The following IPPK variants were observed in gnomAD, a reference collection of about 807,000 sequenced individuals.
IPPK encodes the protein IPK1 homolog.
IPPK carries 22 observed loss-of-function variants against 64.6 expected under a neutral mutation model. The observed-to-expected ratio is 0.34, with a 90% CI of 0.24 to 0.49. The LOEUF is 0.49. Ranked by LOEUF, IPPK falls within the 20% of genes least tolerant of loss-of-function variation. The pLI is 0.99. For missense variants in IPPK, 532 were observed against 630.7 expected (o/e 0.84, Z 1.68); for synonymous variants, 262 against 247.2 (o/e 1.06, Z -0.56).
intron 1 of IPPK, among the ~76,000 whole-genome samples, chr9:92,664,287 T>C (rs556690351): frequency 2.0e-5 from 3 of 152,300 alleles, no homozygotes; most frequent in East Asian, 3.9e-4. Flanking sequence ...TGGCCTCAGA[T>C]AGAAATACAA....
At chr9:92,652,436 G>A (rs753331265) in intron 4 of IPPK, 137 bp downstream of exon 4, 71 of 429,040 alleles carry the variant, frequency 1.7e-4, no homozygotes, top group Non-Finnish European at 2.3e-4. Context: ...GCGACAGAGT[G>A]AGACTCCGTC....
In IPPK at chr9:92,621,321, A is replaced by AAGAT. The variant is rs569595399; in HGVS notation, c.1171-1760_1171-1757dup. Among the ~76,000 whole-genome samples, 490 of 152,154 alleles carry AAGAT rather than the reference A, an allele frequency of 3.2e-3. 3 individuals are homozygous for AAGAT. Among genetic ancestry groups the AAGAT allele is most frequent in the Non-Finnish European group, 5.1e-3 (349 of 68,000 alleles). On this transcript the variant is annotated intron_variant, in intron 11 of 12. Coordinates refer to ENST00000287996, the MANE Select transcript of IPPK (RefSeq NM_022755.6). ...ATACTTCAAATCCTATAAACATGAA[A>AAGAT]AGATAATAAAAGAACATTACCCAAC... is the stretch of plus-strand genomic sequence containing the variant.
At chr9:92,641,159 C>T (rs1043670525) in intron 7 of IPPK, among the ~76,000 whole-genome samples, 1 of 152,246 alleles carries the variant, frequency 6.6e-6, no homozygotes, top group Non-Finnish European at 1.5e-5. Context: ...CCTCCTGCCG[C>T]AACTTCCAAA....
chr9:92,634,539 G>T, intron 10 of IPPK, 51 bp from the exon 11 acceptor site: 1 of 1,352,772 alleles, frequency 7.4e-7, no homozygotes, highest in South Asian at 1.2e-5. Flanking sequence ...CACGGAGGTT[G>T]TTTCTTAAAC....
At chr9:92,664,126 A>G (rs912209085) in intron 1 of IPPK, among the ~76,000 whole-genome samples, 3 of 152,188 alleles carry the variant, frequency 2.0e-5, no homozygotes, top group African/African-American at 7.2e-5. Context: ...GTCAGTCACC[A>G]GGGGCAGGAG....
intron 11 of IPPK, among the ~76,000 whole-genome samples, chr9:92,628,375 A>C (rs986624072): frequency 6.6e-6 from 1 of 152,250 alleles, no homozygotes; most frequent in Non-Finnish European, 1.5e-5. Context: ...ACAATCTTGA[A>C]AACAAAGACC....
In IPPK at chr9:92,635,235, C is replaced by T. The variant is rs1209960173; in HGVS notation, c.990G>A (p.Leu330=). The T allele has an allele frequency of 2.5e-6, 4 of 1,614,102 alleles. No homozygotes were observed. The highest frequency in any genetic ancestry group is 3.4e-6 in the Non-Finnish European group (4 of 1,180,034). ...AGAGGCCTTCGATGTCCAGCAGGTC[C>T]AACATCTGCACCTGGAGGGTTTTGT... ...LLYKTLQVQM[L]DLLDIEGLYP... Residue 330 remains leucine (L), a synonymous_variant, in exon 10 of 13, where the codon TTG becomes TTA. Transcript: ENST00000287996. This position sits in a 1 kb window ranked among gnomAD's most constrained non-coding sequence, Gnocchi z 4.4.
chr9:92,619,797 C>G, intron 11 of IPPK: 1 of 550,818 alleles, frequency 1.8e-6, no homozygotes. Flanking sequence ...GCCCCCTGAC[C>G]TCTCACGGCA....
intron 12 of IPPK, 200 bp from the exon 13 acceptor site, chr9:92,616,257 C>T (rs1851430137): frequency 1.9e-6 from 1 of 532,216 alleles, no homozygotes; most frequent in Admixed American, 3.2e-5. Context: ...TCGTTCTGTG[C>T]ACCTGTGATC....
intron 11 of IPPK, among the ~76,000 whole-genome samples, chr9:92,633,654 A>G (rs186806506): frequency 2.6e-5 from 4 of 152,346 alleles, no homozygotes; most frequent in Non-Finnish European, 5.9e-5. Context: ...ATTTTTAAAA[A>G]CAAATGTATT....
At chr9:92,662,231 A>G (rs1172977522) in intron 1 of IPPK, among the ~76,000 whole-genome samples, 4 of 152,204 alleles carry the variant, frequency 2.6e-5, no homozygotes, top group Admixed American at 2.0e-4. Context: ...AAATGTTAAA[A>G]GTGAAGAAAA....
At chr9:92,649,382 T>C in intron 5 of IPPK, 71 bp downstream of exon 5, 1 of 1,578,048 alleles carries the variant, frequency 6.3e-7, no homozygotes, top group Non-Finnish European at 8.7e-7. Context: ...CCAAGGCACG[T>C]GACTCTTGGA....
chr9:92,660,454 C>T lies in IPPK; in HGVS notation c.82-1773G>A, dbSNP rs1400938888. ...CCAAGCTTACTCACCTGCCAGACTG[C>T]ATGCACAGAGCTCTGCGGCATCTAC... On this transcript the variant is annotated intron_variant, in intron 1 of 12. Transcript: ENST00000287996. 2.0e-5 allele frequency among the ~76,000 whole-genome samples: 3 copies of T among 152,378 alleles called. No homozygotes were observed. In the South Asian group the frequency reaches 6.2e-4, roughly 32 times the overall value.
At chr9:92,630,613 T>C (rs930014116) in intron 11 of IPPK, among the ~76,000 whole-genome samples, 10 of 151,932 alleles carry the variant, frequency 6.6e-5, no homozygotes, top group Admixed American at 6.6e-5. Flanking sequence ...TAGGCAGTGA[T>C]ATGGAAAAAC....
At chr9:92,619,955 C>T (rs938067436) in intron 11 of IPPK, 5 of 250,648 alleles carry the variant, frequency 2.0e-5, no homozygotes, top group Middle Eastern at 1.6e-3. Context: ...TATCACTCGA[C>T]ACCTGCAAGG....
chr9:92,656,599 A>G (rs749138808), intron 2 of IPPK, 48 bp from the exon 3 acceptor site: 1 of 1,284,678 alleles, frequency 7.8e-7, no homozygotes, highest in Non-Finnish European at 1.1e-6. Flanking sequence ...ACCTCCCAAC[A>G]GAGCCTTGCT....
intron 11 of IPPK, among the ~76,000 whole-genome samples, chr9:92,630,633 A>C (rs2131428603): frequency 6.6e-6 from 1 of 152,294 alleles, no homozygotes; most frequent in Non-Finnish European, 1.5e-5. Flanking sequence ...CACATGGATA[A>C]ATCTAAACAT....
rs1283583487 is a variant in IPPK, at chr9:92,614,128, T to C, written c.*1704A>G. The stretch of plus-strand genomic sequence containing the variant: ...CTAGTCCAGCCCTGTCTGGGCCCTG[T>C]GCTAGGCAATAACTCTTGCAGCCCT... On this transcript the variant is annotated 3_prime_UTR_variant, in exon 13 of 13. Coordinates refer to ENST00000287996, the MANE Select transcript of IPPK (RefSeq NM_022755.6). 3.3e-5 allele frequency: 5 copies of C among 152,324 alleles called. No homozygotes were observed. The highest frequency in any genetic ancestry group is 2.9e-5 in the Non-Finnish European group (2 of 68,118). The allele number at this position is 152,324 out of a possible 1,614,324, so 9.4% of individuals were successfully genotyped here.
chr9:92,648,184 G>A (rs900713710), intron 5 of IPPK, 36 bp from the exon 6 acceptor site: 1 of 1,457,704 alleles, frequency 6.9e-7, no homozygotes, highest in Non-Finnish European at 9.5e-7. Flanking sequence ...AAAATATTTA[G>A]GAAGAAATCA....
Sources: gnomAD v4.1 joint callset for allele counts (sites outside exome capture counted in the v4.1 genomes callset) on GRCh38, gnomAD v4.1.1 for gene constraint, Gnocchi (gnomAD v3.1) non-coding constraint, MANE v1.5 for transcripts, NCBI Gene and HGNC (gene_info 2026-07-23, HGNC 2026-07-21) for gene names.